Variants in EXT1 observed in about 807,000 individuals in gnomAD.
EXT1 encodes exostosin glycosyltransferase 1.
A neutral mutation model predicts 82.5 loss-of-function variants in EXT1; 20 were observed. That is an observed-to-expected ratio of 0.24 (90% CI 0.17 to 0.35). The LOEUF is 0.35. Among genes scored for constraint, EXT1 ranks in the 10% least tolerant of loss-of-function variants. EXT1 has a pLI of 1.00. For synonymous variants in EXT1, 348 were observed against 350.8 expected (o/e 0.99, Z 0.09); for missense variants, 757 against 936.5 (o/e 0.81, Z 2.50).
intron 3 of EXT1, among the ~76,000 whole-genome samples, chr8:117,832,572 CTATA>C (rs962391533): frequency 3.3e-5 from 5 of 151,842 alleles, no homozygotes; most frequent in Non-Finnish European, 7.4e-5. Flanking sequence ...GCTGTCATTG[CTATA>C]TAGTCTCCAG....
At chr8:117,970,405 T>C (rs1316726540) in intron 1 of EXT1, among the ~76,000 whole-genome samples, 3 of 151,806 alleles carry the variant, frequency 2.0e-5, no homozygotes, top group South Asian at 2.1e-4. Flanking sequence ...CAGGTTTAAG[T>C]GATTCTCCTG....
chr8:118,010,870 T>C (rs1815886053), intron 1 of EXT1, among the ~76,000 whole-genome samples: 1 of 152,226 alleles, frequency 6.6e-6, no homozygotes, highest in Non-Finnish European at 1.5e-5. Flanking sequence ...TGGCAGACGC[T>C]CTGGGTGCCA....
intron 1 of EXT1, among the ~76,000 whole-genome samples, chr8:117,997,850 C>T (rs1815578920): frequency 6.6e-6 from 1 of 152,062 alleles, no homozygotes; most frequent in Non-Finnish European, 1.5e-5. Context: ...CCCAAGGAAC[C>T]CCCAAGATGC....
chr8:118,027,735 G>GA (rs1487900726), intron 1 of EXT1, among the ~76,000 whole-genome samples: 1 of 152,064 alleles, frequency 6.6e-6, no homozygotes, highest in African/African-American at 2.4e-5. Flanking sequence ...ACGTAGTCCA[G>GA]AAAAAAATCT....
Position 118,019,600 on chromosome 8 carries a change from G to A in EXT1, c.962+90485C>T, listed in dbSNP as rs148382416. Among the ~76,000 whole-genome samples the A allele has an allele frequency of 4.6e-4, 70 of 152,324 alleles. 1 individual carries two copies. In the East Asian group the frequency reaches 4.6e-3, roughly 10 times the overall value. The stretch of plus-strand genomic sequence containing the variant: ...CGTCTTGGACCAGAAAAGGAACCTT[G>A]AAGTCATCTCTAAGATCTTAGTGTC... On this transcript the variant is annotated intron_variant, in intron 1 of 10. Transcript: ENST00000378204.
Position 118,065,677 on chromosome 8 carries a change from T to C in EXT1, c.962+44408A>G, listed in dbSNP as rs1049448344. 1.2e-4 allele frequency among the ~76,000 whole-genome samples: 18 copies of C among 152,288 alleles called. No individual in the cohort carries two copies. The East Asian group carries it at 1.3e-3, about 11-fold the overall frequency. ...ACATTTGAACTTACACTTTGGGAAA[T>C]TGCTAAAGGTAGTTTTAGTCATTCA... On this transcript the variant is annotated intron_variant, in intron 1 of 10. Coordinates refer to ENST00000378204, the MANE Select transcript of EXT1 (RefSeq NM_000127.3).
At chr8:117,889,944 T>C (rs1442915523) in intron 1 of EXT1, among the ~76,000 whole-genome samples, 1 of 152,198 alleles carries the variant, frequency 6.6e-6, no homozygotes. Context: ...ACAGTTTTTA[T>C]ATGAAAAAAA....
chr8:118,015,094 C>T (rs1257880355), intron 1 of EXT1, among the ~76,000 whole-genome samples: 1 of 152,174 alleles, frequency 6.6e-6, no homozygotes, highest in Admixed American at 6.5e-5. Context: ...CATTTTCCTT[C>T]GAACTGCAAG....
chr8:118,050,842 A>G (rs1586364557), intron 1 of EXT1, among the ~76,000 whole-genome samples: 1 of 152,194 alleles, frequency 6.6e-6, no homozygotes, highest in South Asian at 2.1e-4. Flanking sequence ...GGAGGGAACT[A>G]AAGAAGAAGA....
chr8:117,846,376 G>A (rs1812362074), intron 1 of EXT1, among the ~76,000 whole-genome samples: 1 of 152,236 alleles, frequency 6.6e-6, no homozygotes, highest in Non-Finnish European at 1.5e-5. Context: ...CCAAAGTGTT[G>A]GGATTATAGG....
At chr8:117,876,300 A>G (rs766886598) in intron 1 of EXT1, among the ~76,000 whole-genome samples, 2 of 152,228 alleles carry the variant, frequency 1.3e-5, no homozygotes, top group Non-Finnish European at 2.9e-5. Flanking sequence ...AGAAACAAGG[A>G]GTACTTGTGT....
chr8:118,103,407 CT>C (rs780416722), intron 1 of EXT1, among the ~76,000 whole-genome samples: 3 of 152,288 alleles, frequency 2.0e-5, no homozygotes, highest in Non-Finnish European at 4.4e-5. Context: ...CCGCCTTAGC[CT>C]TCCAAAGTGC....
chr8:117,847,677 T>A (rs1363271153), intron 1 of EXT1, among the ~76,000 whole-genome samples: 5 of 152,050 alleles, frequency 3.3e-5, no homozygotes, highest in Non-Finnish European at 7.4e-5. Flanking sequence ...AAAACTGAGC[T>A]CGAACCAATG....
intron 1 of EXT1, among the ~76,000 whole-genome samples, chr8:117,996,026 A>G (rs1459464207): frequency 6.6e-6 from 1 of 152,038 alleles, no homozygotes; most frequent in Non-Finnish European, 1.5e-5. Flanking sequence ...GAACCTTGCC[A>G]CTTCTCATCA....
At chr8:117,807,534 A>C (rs532581554) in intron 8 of EXT1, among the ~76,000 whole-genome samples, 157 bp from the exon 9 acceptor site, 4 of 152,202 alleles carry the variant, frequency 2.6e-5, no homozygotes, top group Non-Finnish European at 5.9e-5. Context: ...ACTGCTTGAC[A>C]TTTTGCCCCA....
chr8:117,935,604 T>C (rs1409076015), intron 1 of EXT1, among the ~76,000 whole-genome samples: 1 of 152,064 alleles, frequency 6.6e-6, no homozygotes, highest in Non-Finnish European at 1.5e-5. Flanking sequence ...CCAACAATCC[T>C]ATTGCCTCAC....
intron 1 of EXT1, among the ~76,000 whole-genome samples, chr8:117,950,454 C>A (rs542900938): frequency 2.0e-5 from 3 of 152,256 alleles, no homozygotes; most frequent in Admixed American, 2.0e-4. Context: ...TCAGATAATG[C>A]CTGCTGTTCC....
chr8:118,078,361 G>A (rs1817248056), intron 1 of EXT1, among the ~76,000 whole-genome samples: 3 of 152,018 alleles, frequency 2.0e-5, no homozygotes, highest in Admixed American at 2.0e-4. Flanking sequence ...ACCATGCCCA[G>A]CTAATTTTTG....
intron 1 of EXT1, among the ~76,000 whole-genome samples, chr8:117,963,225 A>G (rs2046505898): frequency 6.6e-6 from 1 of 152,144 alleles, no homozygotes; most frequent in Admixed American, 6.5e-5. Context: ...TATAAAGTAC[A>G]TGATGTCTGC....
Sources: allele counts gnomAD v4.1 joint callset (sites outside exome capture counted in the v4.1 genomes callset), GRCh38; gene constraint gnomAD v4.1.1; transcripts MANE v1.5; gene names NCBI Gene and HGNC (gene_info 2026-07-23, HGNC 2026-07-21).